ALDH5A1: variants seen among roughly 807,000 people sequenced by gnomAD.
The protein encoded by ALDH5A1 is aldehyde dehydrogenase 5 family member A1, also known as succinate-semialdehyde dehydrogenase, mitochondrial.
A neutral mutation model predicts 54.7 loss-of-function variants in ALDH5A1; 33 were observed. The ratio of observed to expected loss-of-function variants is 0.60; its 90% CI spans 0.46 to 0.81. The LOEUF is 0.81. Ranked by LOEUF, ALDH5A1 falls within the 30% of genes least tolerant of loss-of-function variation. The pLI is 0.00. For synonymous variants in ALDH5A1, 294 were observed against 292.7 expected (o/e 1.00, Z -0.05); for missense variants, 657 against 711.0 (o/e 0.92, Z 0.86).
Position 24,521,881 on chromosome 6 carries a change from T to TTG in ALDH5A1, c.1015-881_1015-880dup, listed in dbSNP as rs1458441418. ...AATTTTTTTTTTTTTTTTTTTTTTT[T>TTG]TGTGTGACAGAGTCTCACTCTGTTG... is the stretch of plus-strand genomic sequence containing the variant. On this transcript the variant is annotated intron_variant, in intron 6 of 9. Transcript: ENST00000357578. Among the ~76,000 whole-genome samples the TTG allele has an allele frequency of 7.7e-3, 778 of 101,256 alleles. 17 individuals are homozygous for TTG. The highest frequency in any genetic ancestry group is 0.022 in the Middle Eastern group (4 of 180). 66.4% of individuals were successfully genotyped at this position (101,256 alleles called of 152,430 possible).
In ALDH5A1 at chr6:24,508,386, A is replaced by AT. The variant is rs1424857506; in HGVS notation, c.726+3401_726+3402insT. On this transcript the variant is annotated intron_variant, in intron 4 of 9. Transcript: ENST00000357578. The stretch of plus-strand genomic sequence containing the variant: ...CAAAAAAAAAAAAAAAAAAAAAAAA[A>AT]AAGATTAATAGTCTCTAATCCTCTA... Among the ~76,000 whole-genome samples, 56 of 52,484 alleles carry AT rather than the reference A, an allele frequency of 1.1e-3. 5 individuals carry two copies. Among genetic ancestry groups the AT allele is most frequent in the South Asian group, 8.7e-3 (20 of 2,312 alleles). The allele number at this position is 52,484 out of a possible 152,430, so 34.4% of individuals were successfully genotyped here.
chr6:24,520,414 A>G lies in ALDH5A1; in HGVS notation c.884A>G (p.His295Arg), dbSNP rs1759656152. Residue 295 changes from histidine (H) to arginine (R), a missense_variant, in exon 6 of 10, where the codon CAC becomes CGC. By Grantham distance (29) the His-to-Arg change is conservative (BLOSUM62 0). This residue lies in a region of ALDH5A1 where 425 missense variants were observed against 516.4 expected (regional missense o/e 0.82). Transcript: ENST00000357578. ...CTCTGCTCACAGATCCTGTTGCACC[A>G]CGCAGCAAACTCTGTGAAAAGGGTC... ...STTTGKILLH[H>R]AANSVKRVSM... is the part of the protein sequence containing the mutation. 2 of 1,614,066 alleles carry G rather than the reference A, an allele frequency of 1.2e-6. No individual in the cohort carries two copies. The highest frequency in any genetic ancestry group is 8.5e-7 in the Non-Finnish European group (1 of 1,180,016).
At chr6:24,515,128 G>A in intron 4 of ALDH5A1, 39 bp from the exon 5 acceptor site, 1 of 789,212 alleles carries the variant, frequency 1.3e-6, no homozygotes, top group Non-Finnish European at 1.8e-6. Flanking sequence ...TTTTCAGTTT[G>A]GTAAATTGTT....
chr6:24,502,280 ATCT>A (rs1035273056), intron 1 of ALDH5A1, among the ~76,000 whole-genome samples: 2 of 152,230 alleles, frequency 1.3e-5, no homozygotes, highest in Admixed American at 6.5e-5. Flanking sequence ...TTGAAGGCAA[ATCT>A]TCTTTATTCA....
chr6:24,514,515 G>A (rs1036080053), intron 4 of ALDH5A1, among the ~76,000 whole-genome samples: 1 of 152,132 alleles, frequency 6.6e-6, no homozygotes, highest in African/African-American at 2.4e-5. Context: ...GAGGTGGGCG[G>A]ATCACTTGAG....
intron 7 of ALDH5A1, among the ~76,000 whole-genome samples, chr6:24,523,356 CAA>C (rs4646846): frequency 3.0e-5 from 4 of 134,344 alleles, no homozygotes; most frequent in Admixed American, 7.3e-5. Context: ...TGTTAAAAGG[CAA>C]AAAAAAAAAA....
chr6:24,497,218 A>G (rs1764730894), intron 1 of ALDH5A1, among the ~76,000 whole-genome samples: 1 of 152,060 alleles, frequency 6.6e-6, no homozygotes, highest in African/African-American at 2.4e-5. Context: ...CCAGCTTTTT[A>G]TTCCCTTATT....
chr6:24,525,612 G>T (rs1467676345), intron 7 of ALDH5A1, among the ~76,000 whole-genome samples: 1 of 152,122 alleles, frequency 6.6e-6, no homozygotes, highest in Non-Finnish European at 1.5e-5. Flanking sequence ...GGAGGCGGGG[G>T]CAAGAGAATC....
At position 24,503,376 on chromosome 6, in the gene ALDH5A1, G is replaced by T; in HGVS notation, c.552G>T (p.Lys184Asn). 6.2e-7 allele frequency: 1 copy of T among 1,613,970 alleles called. No individual in the cohort carries two copies. ...VYGDIIHTPA[K>N]DRRALVLKQP... ...GAGACATTATCCACACCCCGGCAAAGGACAGGCGGGCCCTGGTCCTCAAGC... is the reference window on the plus strand; with the variant it reads ...GAGACATTATCCACACCCCGGCAAATGACAGGCGGGCCCTGGTCCTCAAGC... Residue 184 changes from lysine to asparagine, a missense_variant, in exon 3 of 10, where the codon AAG becomes AAT. By Grantham distance (94) the Lys-to-Asn change is moderately conservative. Transcript: ENST00000357578.
intron 1 of ALDH5A1, among the ~76,000 whole-genome samples, chr6:24,497,667 C>G (rs578131512): frequency 1.3e-5 from 2 of 152,264 alleles, no homozygotes; most frequent in East Asian, 3.9e-4. Flanking sequence ...GCATGGCTGA[C>G]ACATTTGCAG....
chr6:24,504,780 AT>A, intron 3 of ALDH5A1, 88 bp from the exon 4 acceptor site: 2 of 1,310,630 alleles, frequency 1.5e-6, no homozygotes, highest in South Asian at 1.2e-5. Flanking sequence ...GTGCAATGAA[AT>A]TTGTTCACTG....
At position 24,503,358 on chromosome 6, in the gene ALDH5A1, T is replaced by A. The variant is rs2127382448; in HGVS notation, c.534T>A (p.Ile178=). 1 of 1,614,076 alleles carries A rather than the reference T, an allele frequency of 6.2e-7. No individual in the cohort carries two copies. The highest frequency in any genetic ancestry group is 8.5e-7 in the Non-Finnish European group (1 of 1,180,022). The stretch of plus-strand genomic sequence containing the variant: ...AAGCCCGCCGTGTTTACGGAGACAT[T>A]ATCCACACCCCGGCAAAGGACAGGC... The part of the protein sequence containing the change: ...SEEARRVYGD[I]IHTPAKDRRA... The change falls in exon 3 of 10, where the codon ATT becomes ATA. Residue 178 remains isoleucine (I), a synonymous_variant. Coordinates refer to ENST00000357578, the MANE Select transcript of ALDH5A1 (RefSeq NM_001080.3).
intron 1 of ALDH5A1, among the ~76,000 whole-genome samples, chr6:24,499,101 CAAA>C (rs35062384): frequency 8.8e-5 from 8 of 91,232 alleles, no homozygotes; most frequent in Non-Finnish European, 1.3e-4. Flanking sequence ...GACTCTGTCT[CAAA>C]AAAAAAAAAA....
chr6:24,526,906 A>C (rs1405753025), intron 7 of ALDH5A1, among the ~76,000 whole-genome samples: 34 of 33,302 alleles, frequency 1.0e-3, no homozygotes, highest in Non-Finnish European at 5.1e-3. Context: ...TATATCTACT[A>C]TATATATATT....
At position 24,498,184 on chromosome 6, in the gene ALDH5A1, G is replaced by A. The variant is rs370134674; in HGVS notation, c.354+2834G>A. 2.6e-4 allele frequency among the ~76,000 whole-genome samples: 39 copies of A among 152,316 alleles called. 2 individuals are homozygous for A. In the South Asian group the frequency reaches 7.7e-3, roughly 30 times the overall value. On this transcript the variant is annotated intron_variant, in intron 1 of 9. Transcript: ENST00000357578. ...ATTAGGGTGAGATATCAAGAGTTCA[G>A]TTTTAGACTTATTGAGTTTGAGATG... is the stretch of plus-strand genomic sequence containing the variant.
At chr6:24,516,074 TG>T (rs1416995585) in intron 5 of ALDH5A1, among the ~76,000 whole-genome samples, 2 of 152,122 alleles carry the variant, frequency 1.3e-5, no homozygotes, top group African/African-American at 4.8e-5. Context: ...TTCCCTTAAA[TG>T]ATGAAATGTT....
rs34503774 is a variant in ALDH5A1 at position 24,507,470 on chromosome 6, G to GTT, written c.726+2491_726+2492dup. ...TAGATACACAAAAGTGTTTGGTTTG[G>GTT]TTTTTTTCCCCCTTTATCTTTAAAG... On this transcript the variant is annotated intron_variant, in intron 4 of 9. Coordinates refer to ENST00000357578, the MANE Select transcript of ALDH5A1 (RefSeq NM_001080.3). 3.3e-5 allele frequency among the ~76,000 whole-genome samples: 5 copies of GTT among 151,420 alleles called. No homozygotes were observed. In the East Asian group the frequency reaches 9.7e-4, roughly 29 times the overall value.
At chr6:24,500,439 T>C (rs964576524) in intron 1 of ALDH5A1, among the ~76,000 whole-genome samples, 3 of 152,128 alleles carry the variant, frequency 2.0e-5, no homozygotes, top group Admixed American at 6.5e-5. Flanking sequence ...AAATGCTGTA[T>C]GATTCTACTT....
rs1338895417 is a variant in ALDH5A1 at position 24,495,219 on chromosome 6, A to C, written c.223A>C (p.Thr75Pro). 6.6e-7 allele frequency: 1 copy of C among 1,508,514 alleles called. No homozygotes were observed. The allele number at this position is 1,508,514 out of a possible 1,614,324, so 93.4% of individuals were successfully genotyped here. The change falls in exon 1 of 10, where the codon ACC becomes CCC. Residue 75 changes from threonine to proline, a missense_variant. By Grantham distance (38) the Thr-to-Pro change is conservative. Around this residue, in one of 2 missense-constraint regions of ALDH5A1, gnomAD observed 232 missense variants for 194.6 expected, o/e 1.19. Transcript: ENST00000357578. ...CGGCCGCTGGCTCCCGGCCGCCGCCACCTTCCCCGTGCAAGACCCGGCCAG... is the reference window on the plus strand; with the variant it reads ...CGGCCGCTGGCTCCCGGCCGCCGCCCCCTTCCCCGTGCAAGACCCGGCCAG... Reference protein sequence around the residue: ...VGGRWLPAAATFPVQDPASGA... With the variant: ...VGGRWLPAAAPFPVQDPASGA...
Sources: gnomAD v4.1 joint callset for allele counts (sites outside exome capture counted in the v4.1 genomes callset) on GRCh38, gnomAD v4.1.1 for gene constraint, gnomAD v4.1.1 regional missense constraint, MANE v1.5 for transcripts, NCBI Gene and HGNC (gene_info 2026-07-23, HGNC 2026-07-21) for gene names.